Variants in PSPC1 observed in about 807,000 individuals in gnomAD.
PSPC1 encodes paraspeckle component 1, also known as paraspeckle protein 1.
PSPC1 carries 14 observed loss-of-function variants against 51.6 expected under a neutral mutation model. The observed-to-expected ratio is 0.27, with a 90% CI of 0.18 to 0.42. PSPC1 has a LOEUF of 0.42. Ranked by LOEUF, PSPC1 falls within the 10% of genes least tolerant of loss-of-function variation. PSPC1 has a pLI of 1.00. For synonymous variants in PSPC1, 193 were observed against 231.9 expected (o/e 0.83, Z 1.53); for missense variants, 406 against 701.1 (o/e 0.58, Z 4.75).
At chr13:19,683,244 A>C (rs576093191) in intron 6 of PSPC1, among the ~76,000 whole-genome samples, 5 of 152,304 alleles carry the variant, frequency 3.3e-5, no homozygotes, top group African/African-American at 1.2e-4. Context: ...CAATAGCCCC[A>C]AAAATAAAAA....
intron 8 of PSPC1, among the ~76,000 whole-genome samples, chr13:19,705,188 T>G (rs1880485663): frequency 6.6e-6 from 1 of 152,220 alleles, no homozygotes; most frequent in Non-Finnish European, 1.5e-5. Context: ...TAATCCTAAT[T>G]CTTGGACTAC....
At chr13:19,777,903 G>A (rs942167778) in intron 1 of PSPC1, among the ~76,000 whole-genome samples, 2 of 151,416 alleles carry the variant, frequency 1.3e-5, no homozygotes, top group Non-Finnish European at 2.9e-5. Flanking sequence ...TCGAGATCGC[G>A]CTACTGCACT....
rs576477894 is a variant in PSPC1 at position 19,757,312 on chromosome 13, G to A, written c.770+2011C>T. ...AGCTTCAGATGACCATGCAACAAAGGCTCCAGCCAGTTCCAGGCAAAGACA... is the reference window on the plus strand; with the variant it reads ...AGCTTCAGATGACCATGCAACAAAGACTCCAGCCAGTTCCAGGCAAAGACA... On this transcript the variant is annotated intron_variant, in intron 3 of 8. Transcript: ENST00000338910. Among the ~76,000 whole-genome samples, 6 of 152,050 alleles carry A rather than the reference G, an allele frequency of 3.9e-5. No homozygotes were observed. In the South Asian group the frequency reaches 1.2e-3, roughly 32 times the overall value.
intron 3 of PSPC1, among the ~76,000 whole-genome samples, chr13:19,757,389 G>A (rs1887191256): frequency 6.6e-6 from 1 of 152,110 alleles, no homozygotes; most frequent in East Asian, 1.9e-4. Flanking sequence ...AGAGCAGGGC[G>A]AGAGTTCCGT....
intron 6 of PSPC1, among the ~76,000 whole-genome samples, chr13:19,680,472 T>C (rs1230463007): frequency 6.6e-6 from 1 of 152,200 alleles, no homozygotes; most frequent in Admixed American, 6.5e-5. Flanking sequence ...CACAATGAGC[T>C]ACTACACATC....
chr13:19,712,269 C>G (rs1229879193), intron 6 of PSPC1, among the ~76,000 whole-genome samples: 1 of 152,072 alleles, frequency 6.6e-6, no homozygotes, highest in African/African-American at 2.4e-5. Context: ...AATATCTAAC[C>G]ACTAATATAG....
chr13:19,674,719 T>G (rs1274894775), downstream of PSPC1: 1 of 152,216 alleles, frequency 6.6e-6, no homozygotes, highest in Non-Finnish European at 1.5e-5. Context: ...TAGAGCAGAC[T>G]ATGAAAAACC....
At chr13:19,747,243 CAT>C (rs1886090377) in intron 4 of PSPC1, among the ~76,000 whole-genome samples, 1 of 152,046 alleles carries the variant, frequency 6.6e-6, no homozygotes, top group Non-Finnish European at 1.5e-5. Flanking sequence ...TAATTGTACC[CAT>C]ATAAAAGAAT....
chr13:19,744,092 G>A (rs1885706337), intron 4 of PSPC1, among the ~76,000 whole-genome samples: 1 of 152,106 alleles, frequency 6.6e-6, no homozygotes, highest in Non-Finnish European at 1.5e-5. Context: ...TGGGCAACAA[G>A]AGCGAAACTC....
At chr13:19,733,893 C>T (rs973990498) in intron 5 of PSPC1, among the ~76,000 whole-genome samples, 2 of 151,852 alleles carry the variant, frequency 1.3e-5, no homozygotes, top group Non-Finnish European at 1.5e-5. Flanking sequence ...GGTGAGACTG[C>T]GGGGAGCCGT....
At chr13:19,713,493 G>A (rs1229635916) in intron 6 of PSPC1, among the ~76,000 whole-genome samples, 1 of 130,744 alleles carries the variant, frequency 7.6e-6, no homozygotes, top group Non-Finnish European at 1.5e-5. Flanking sequence ...TGACGTTCAC[G>A]AGATACTTTC....
At chr13:19,717,320 C>T (rs1222890183) in intron 6 of PSPC1, among the ~76,000 whole-genome samples, 1 of 151,940 alleles carries the variant, frequency 6.6e-6, no homozygotes, top group African/African-American at 2.4e-5. Context: ...AATCCCAGCA[C>T]TATGGGAGGC....
chr13:19,715,589 C>A lies in PSPC1; in HGVS notation c.1159-5990G>T, dbSNP rs548394960. On this transcript the variant is annotated intron_variant, in intron 6 of 8. Coordinates refer to ENST00000338910, the MANE Select transcript of PSPC1 (RefSeq NM_001354909.2). The stretch of plus-strand genomic sequence containing the variant: ...AAAATGTAGGCAAAACTTTCACGCA[C>A]AAAATTACTTAAAATATTCTACTGA... Among the ~76,000 whole-genome samples the A allele has an allele frequency of 2.6e-5, 4 of 152,244 alleles. No individual in the cohort carries two copies. The South Asian group carries it at 8.3e-4, about 32-fold the overall frequency.
rs1311504161 is a variant in PSPC1 at position 19,692,047 on chromosome 13, A to G, written c.1159-14224T>C. ...CAAATCAGATAAAGTCCTGTGGTCT[A>G]CCATGTAGTTGTGATTTAATTCAGA... On this transcript the variant is annotated intron_variant and NMD_transcript_variant, in intron 6 of 7. Transcript: ENST00000471658. 7.2e-5 allele frequency among the ~76,000 whole-genome samples: 11 copies of G among 152,234 alleles called. No homozygotes were observed. In the East Asian group the frequency reaches 2.1e-3, roughly 29 times the overall value.
At chr13:19,730,848 G>A (rs999998833) in intron 5 of PSPC1, among the ~76,000 whole-genome samples, 1 of 150,748 alleles carries the variant, frequency 6.6e-6, no homozygotes, top group Non-Finnish European at 1.5e-5. Context: ...TCGAGAGGCT[G>A]AGGCACCAGA....
intron 6 of PSPC1, 132 bp from the exon 7 acceptor site, chr13:19,709,731 A>G (rs1446225154): frequency 2.7e-6 from 2 of 738,692 alleles, no homozygotes; most frequent in Non-Finnish European, 4.4e-6. Context: ...TTCCATCATC[A>G]TAAACTTAAT....
chr13:19,731,644 G>A (rs924947166), intron 5 of PSPC1, among the ~76,000 whole-genome samples: 1 of 152,090 alleles, frequency 6.6e-6, no homozygotes, highest in African/African-American at 2.4e-5. Context: ...AAACTCCTGG[G>A]CTCAAGTGGT....
intron 2 of PSPC1, among the ~76,000 whole-genome samples, chr13:19,764,456 T>A (rs908769299): frequency 2.0e-5 from 3 of 152,100 alleles, no homozygotes; most frequent in African/African-American, 7.2e-5. Context: ...GTGACTGATC[T>A]TTCCTCATTG....
intron 5 of PSPC1, among the ~76,000 whole-genome samples, chr13:19,732,973 G>A (rs771732257): frequency 2.0e-5 from 3 of 150,932 alleles, no homozygotes; most frequent in Non-Finnish European, 4.4e-5. Flanking sequence ...CAACTTTTTA[G>A]TCTCAAAGCT....
Sources: allele counts gnomAD v4.1 joint callset (sites outside exome capture counted in the v4.1 genomes callset), GRCh38; gene constraint gnomAD v4.1.1; transcripts MANE v1.5; gene names NCBI Gene and HGNC (gene_info 2026-07-23, HGNC 2026-07-21).